Variants in LARP4B observed in about 807,000 individuals in gnomAD.
LARP4B encodes La ribonucleoprotein 4B.
Under a neutral mutation model 89.8 loss-of-function variants are expected in LARP4B, and 12 were observed. The observed-to-expected ratio is 0.13, with a 90% confidence interval of 0.09 to 0.22. LARP4B has a LOEUF of 0.22. LARP4B is among the 10% of genes least tolerant of loss of function. The pLI is 1.00. For synonymous variants in LARP4B, 367 were observed against 363.3 expected (o/e 1.01, Z -0.12); for missense variants, 757 against 947.7 (o/e 0.80, Z 2.64).
At chr10:927,131 T>C (rs1837164016) in intron 1 of LARP4B, among the ~76,000 whole-genome samples, 1 of 151,672 alleles carries the variant, frequency 6.6e-6, no homozygotes, top group African/African-American at 2.4e-5. Flanking sequence ...GGCAATGGGG[T>C]TGATGGGAAA....
chr10:868,437 G>A (rs899594032), intron 3 of LARP4B, among the ~76,000 whole-genome samples: 6 of 149,672 alleles, frequency 4.0e-5, no homozygotes, highest in Non-Finnish European at 7.4e-5. Flanking sequence ...AGCTCTGAAA[G>A]GCAAGGCACC....
At chr10:867,604 C>A (rs969004571) in intron 3 of LARP4B, among the ~76,000 whole-genome samples, 2 of 151,960 alleles carry the variant, frequency 1.3e-5, no homozygotes, top group African/African-American at 4.8e-5. Flanking sequence ...CTTATGCCTG[C>A]GATCCCAGCA....
intron 6 of LARP4B, among the ~76,000 whole-genome samples, chr10:843,870 A>G (rs1418881396): frequency 3.3e-5 from 5 of 152,208 alleles, no homozygotes; most frequent in South Asian, 2.1e-4. Flanking sequence ...CCAGAATTAA[A>G]AAGAAGGAAA....
At chr10:843,437 G>A (rs534107636) in intron 6 of LARP4B, among the ~76,000 whole-genome samples, 19 of 152,136 alleles carry the variant, frequency 1.2e-4, no homozygotes, top group African/African-American at 4.3e-4. Flanking sequence ...GGTGGCTCAC[G>A]CCTGGAATCC....
At chr10:858,761 C>CA (rs1834435360) in intron 5 of LARP4B, among the ~76,000 whole-genome samples, 1 of 151,918 alleles carries the variant, frequency 6.6e-6, no homozygotes, top group African/African-American at 2.4e-5. Context: ...GACAAATGGC[C>CA]AATAAGAACA....
the LARP4B span, chr10:972,880 G>T: frequency 1.8e-5 from 8 of 456,756 alleles, no homozygotes; most frequent in Non-Finnish European, 3.5e-5. Flanking sequence ...TCTGTCTGTT[G>T]TTTGTTTGGA....
At chr10:891,115 C>A (rs1836006234) in intron 1 of LARP4B, among the ~76,000 whole-genome samples, 1 of 151,582 alleles carries the variant, frequency 6.6e-6, no homozygotes, top group Admixed American at 6.6e-5. Context: ...GACGGAAATA[C>A]CAACAATACC....
intron 1 of LARP4B, among the ~76,000 whole-genome samples, chr10:908,445 G>A (rs1029770110): frequency 4.6e-5 from 7 of 152,212 alleles, no homozygotes; most frequent in Non-Finnish European, 8.8e-5. Flanking sequence ...CCCAAAGAGG[G>A]GGCCATGGGG....
chr10:873,076 T>G, intron 3 of LARP4B: 6 of 985,380 alleles, frequency 6.1e-6, no homozygotes, highest in Non-Finnish European at 7.2e-6. Flanking sequence ...CCTCCACAGA[T>G]TTTTGTAACA....
chr10:807,607 G>GT (rs1831602685), downstream of LARP4B: 2 of 152,384 alleles, frequency 1.3e-5, no homozygotes, highest in Admixed American at 6.5e-5. Context: ...GGCCCAGCCT[G>GT]TATCAGGATC....
chr10:908,268 G>C (rs190616055), intron 1 of LARP4B, among the ~76,000 whole-genome samples: 26 of 152,284 alleles, frequency 1.7e-4, no homozygotes, highest in African/African-American at 6.0e-4. Context: ...TGAACACATG[G>C]AGGTTGTTAA....
intron 1 of LARP4B, among the ~76,000 whole-genome samples, chr10:903,671 G>A (rs1026424643): frequency 6.6e-6 from 1 of 152,136 alleles, no homozygotes; most frequent in Non-Finnish European, 1.5e-5. Context: ...TCTGATGGGT[G>A]GAAAAGGTCT....
At chr10:905,128 AC>A (rs1485453458) in intron 1 of LARP4B, among the ~76,000 whole-genome samples, 1 of 152,194 alleles carries the variant, frequency 6.6e-6, no homozygotes, top group African/African-American at 2.4e-5. Context: ...GAAATATAAA[AC>A]ACTTCTGGCC....
At chr10:908,211 CCAA>C (rs1177139395) in intron 1 of LARP4B, among the ~76,000 whole-genome samples, 31 of 152,130 alleles carry the variant, frequency 2.0e-4, no homozygotes, top group South Asian at 6.2e-4. Flanking sequence ...AGACTCCGAC[CCAA>C]CAACAACAGA....
intron 1 of LARP4B, among the ~76,000 whole-genome samples, chr10:931,137 G>A (rs919342273): frequency 6.7e-6 from 1 of 149,030 alleles, no homozygotes; most frequent in African/African-American, 2.5e-5. Flanking sequence ...CCCGGCCTCG[G>A]CCATCCTCAG....
At chr10:926,722 T>G (rs1837145988) in intron 1 of LARP4B, among the ~76,000 whole-genome samples, 2 of 152,244 alleles carry the variant, frequency 1.3e-5, no homozygotes, top group Non-Finnish European at 2.9e-5. Context: ...CCTAAAAAAC[T>G]AAGCAGTACG....
chr10:884,621 G>T (rs1365954017), intron 2 of LARP4B, 115 bp from the exon 3 acceptor site: 2 of 652,010 alleles, frequency 3.1e-6, no homozygotes, highest in Admixed American at 3.0e-5. Context: ...CATTTCACAT[G>T]ACAAATTCAT....
rs998554768 is a variant in LARP4B, at chr10:809,933, C to G, written c.*2993G>C. The G allele has an allele frequency of 7.9e-5, 12 of 152,366 alleles. No individual in the cohort carries two copies. The highest frequency in any genetic ancestry group is 6.5e-4 in the Admixed American group (10 of 15,284). 9.4% of individuals were successfully genotyped at this position (152,366 alleles called of 1,614,324 possible). On this transcript the variant is annotated 3_prime_UTR_variant, in exon 18 of 18. Coordinates refer to ENST00000316157, the MANE Select transcript of LARP4B (RefSeq NM_015155.3). ...AACGCAGGACGTTTACGGCCACCCG[C>G]CAGTGACAGCCGGTGATGTGATGAC...
At chr10:937,928 A>C in the LARP4B span, among the ~76,000 whole-genome samples, 1 of 152,106 alleles carries the variant, frequency 6.6e-6, no homozygotes, top group African/African-American at 2.4e-5. Context: ...TCTGTCTCCC[A>C]GGCTGGAGTG....
Sources: allele counts gnomAD v4.1 joint callset (sites outside exome capture counted in the v4.1 genomes callset), GRCh38; gene constraint gnomAD v4.1.1; transcripts MANE v1.5; gene names NCBI Gene and HGNC (gene_info 2026-07-23, HGNC 2026-07-21).